Variants in DLGAP2 observed in about 807,000 individuals in gnomAD.
DLGAP2 encodes the protein DLG associated protein 2.
Under a neutral mutation model 100.3 loss-of-function variants are expected in DLGAP2, and 26 were observed. The observed-to-expected ratio is 0.26, with a 90% confidence interval of 0.19 to 0.36. The LOEUF (loss-of-function observed/expected upper bound fraction) is 0.36. Among genes scored for constraint, DLGAP2 ranks in the 10% least tolerant of loss-of-function variants. The pLI, the probability that DLGAP2 is intolerant of heterozygous loss-of-function variation, is 1.00. For missense variants in DLGAP2, 1,858 were observed against 1,453.2 expected, an observed-to-expected ratio of 1.28 and a Z score of -4.53; for synonymous variants, 886 against 630.1, an observed-to-expected ratio of 1.41 and a Z score of -6.08.
At chr8:1,282,034 T>C (rs1450960891) in intron 3 of DLGAP2, among the ~76,000 whole-genome samples, 2 of 142,446 alleles carry the variant, frequency 1.4e-5, no homozygotes, top group Non-Finnish European at 3.0e-5. Context: ...CCCAGCACCA[T>C]GAACCATCCG....
intron 2 of DLGAP2, among the ~76,000 whole-genome samples, chr8:1,044,326 C>A (rs549523075): frequency 2.0e-5 from 3 of 152,162 alleles, no homozygotes; most frequent in Non-Finnish European, 2.9e-5. Context: ...AAAACTCAGC[C>A]GTCTGTGAAT....
intron 3 of DLGAP2, among the ~76,000 whole-genome samples, chr8:1,298,913 G>T (rs1800260745): frequency 6.6e-6 from 1 of 152,028 alleles, no homozygotes; most frequent in African/African-American, 2.4e-5. Context: ...GGAGAACCCG[G>T]GGGGAGAACC....
chr8:1,101,115 G>A (rs1055937379), intron 2 of DLGAP2, among the ~76,000 whole-genome samples: 3 of 152,236 alleles, frequency 2.0e-5, no homozygotes, highest in Admixed American at 6.5e-5. Flanking sequence ...TCACTCTGAT[G>A]TTAGCAATTT....
At chr8:1,486,987 A>T (rs1239842979) in intron 3 of DLGAP2, among the ~76,000 whole-genome samples, 3 of 152,220 alleles carry the variant, frequency 2.0e-5, no homozygotes. Context: ...AAGCTGCCAC[A>T]GCCTGGCACA....
At chr8:1,037,554 C>T (rs975124453) in intron 2 of DLGAP2, among the ~76,000 whole-genome samples, 2 of 152,228 alleles carry the variant, frequency 1.3e-5, no homozygotes, top group African/African-American at 4.8e-5. Flanking sequence ...TGCTGTCCCT[C>T]CCGGCATCAC....
chr8:1,660,182 T>C (rs1798377949), intron 8 of DLGAP2, among the ~76,000 whole-genome samples: 2 of 152,238 alleles, frequency 1.3e-5, no homozygotes, highest in South Asian at 4.1e-4. Context: ...CACTCTCTTC[T>C]GGCTTGTAGG....
intron 2 of DLGAP2, among the ~76,000 whole-genome samples, chr8:1,194,021 C>T (rs17065768): frequency 0.041 from 6,192 of 152,216 alleles, 414 homozygotes; most frequent in African/African-American, 0.14. Flanking sequence ...CTTGGCATTA[C>T]CGGGACCAAA....
intron 2 of DLGAP2, among the ~76,000 whole-genome samples, chr8:1,135,921 T>A (rs189632695): frequency 6.6e-6 from 1 of 152,274 alleles, no homozygotes; most frequent in Admixed American, 6.5e-5. Context: ...TTTTCGAAGT[T>A]AAGAAACGAG....
chr8:828,341 A>C (rs1285602789), intron 1 of DLGAP2, among the ~76,000 whole-genome samples: 1 of 152,206 alleles, frequency 6.6e-6, no homozygotes, highest in Non-Finnish European at 1.5e-5. Context: ...GCCAGTTCAG[A>C]GACCTACCCC....
chr8:1,017,608 G>C (rs1307439973), intron 2 of DLGAP2, among the ~76,000 whole-genome samples: 1 of 142,840 alleles, frequency 7.0e-6, no homozygotes, highest in African/African-American at 2.5e-5. Context: ...GACCAGGACA[G>C]ACGGCGCCTC....
intron 7 of DLGAP2, among the ~76,000 whole-genome samples, chr8:1,632,226 C>G (rs150558135): frequency 2.6e-5 from 4 of 152,302 alleles, no homozygotes; most frequent in Non-Finnish European, 5.9e-5. Flanking sequence ...GACGAAAACA[C>G]CAGTACAGCC....
chr8:1,053,010 A>T (rs566183829), intron 2 of DLGAP2, among the ~76,000 whole-genome samples: 1 of 152,342 alleles, frequency 6.6e-6, no homozygotes, highest in Non-Finnish European at 1.5e-5. Context: ...AACATTTCTC[A>T]TCACTGCGGA....
intron 2 of DLGAP2, among the ~76,000 whole-genome samples, chr8:931,646 C>A (rs543219886): frequency 6.6e-6 from 1 of 152,212 alleles, no homozygotes; most frequent in East Asian, 1.9e-4. Flanking sequence ...CCCTTGCCAG[C>A]CCATTCTGAG....
At chr8:1,138,895 G>A (rs573606534) in intron 2 of DLGAP2, among the ~76,000 whole-genome samples, 3 of 152,154 alleles carry the variant, frequency 2.0e-5, no homozygotes, top group African/African-American at 7.2e-5. Flanking sequence ...TGTGCGGCTG[G>A]TGGGAGACTC....
At chr8:1,599,048 G>A (rs1796543975) in intron 6 of DLGAP2, among the ~76,000 whole-genome samples, 1 of 152,212 alleles carries the variant, frequency 6.6e-6, no homozygotes, top group African/African-American at 2.4e-5. Flanking sequence ...CTGTGTCCCA[G>A]AGATTCTGGT....
At chr8:1,414,811 C>A (rs1229489275) in intron 3 of DLGAP2, among the ~76,000 whole-genome samples, 4 of 152,154 alleles carry the variant, frequency 2.6e-5, no homozygotes, top group African/African-American at 9.7e-5. Flanking sequence ...GAGTTTGAGA[C>A]CAGCCTGGCC....
chr8:1,192,903 A>G (rs1413707921), intron 2 of DLGAP2, among the ~76,000 whole-genome samples: 7 of 151,082 alleles, frequency 4.6e-5, no homozygotes, highest in Non-Finnish European at 8.8e-5. Flanking sequence ...CTTCCCACCT[A>G]TGAGTGAGAA....
intron 8 of DLGAP2, among the ~76,000 whole-genome samples, chr8:1,634,953 T>C (rs985032297): frequency 2.0e-5 from 3 of 152,232 alleles, no homozygotes; most frequent in Non-Finnish European, 4.4e-5. Flanking sequence ...TTCTACCGGA[T>C]CTTGGCCCAG....
At chr8:869,281 C>T (rs577564486) in intron 1 of DLGAP2, among the ~76,000 whole-genome samples, 31 of 152,142 alleles carry the variant, frequency 2.0e-4, no homozygotes, top group Admixed American at 1.1e-3. Context: ...GCTGTTTTCG[C>T]GTCCTTCTTG....
Sources: allele counts gnomAD v4.1 joint callset (sites outside exome capture counted in the v4.1 genomes callset), GRCh38; gene constraint gnomAD v4.1.1; transcripts MANE v1.5; gene names NCBI Gene and HGNC (gene_info 2026-07-23, HGNC 2026-07-21).